The following KANSL1L variants were observed in gnomAD, a reference collection of about 807,000 sequenced individuals.
The protein encoded by KANSL1L is KAT8 regulatory NSL complex subunit 1-like protein.
In KANSL1L, 25 loss-of-function variants were observed where a neutral mutation model predicts 108.6. The ratio of observed to expected loss-of-function variants is 0.23; its 90% CI spans 0.17 to 0.32. The LOEUF (loss-of-function observed/expected upper bound fraction) is 0.32. Ranked by LOEUF, KANSL1L falls within the 10% of genes least tolerant of loss-of-function variation. The pLI is 1.00. For synonymous variants in KANSL1L, 405 were observed against 395.1 expected, an observed-to-expected ratio of 1.03 and a Z score of -0.30; for missense variants, 1,137 against 1,125.7, an observed-to-expected ratio of 1.01 and a Z score of -0.14.
Position 210,021,674 on chromosome 2 carries a change from C to T in KANSL1L, c.*1275G>A, listed in dbSNP as rs2093858287. 6.6e-6 allele frequency: 1 copy of T among 152,358 alleles called. No individual in the cohort carries two copies. Among genetic ancestry groups the T allele is most frequent in the African/African-American group, 2.4e-5 (1 of 41,390 alleles). 9.4% of individuals were successfully genotyped at this position (152,358 alleles called of 1,614,324 possible). ...TAGTGTCAAATCTCACAGATAAGGC[C>T]AAATGGCCAATATTTTCAGTTATGT... On this transcript the variant is annotated 3_prime_UTR_variant, in exon 15 of 15. Coordinates refer to ENST00000281772, the MANE Select transcript of KANSL1L (RefSeq NM_152519.4).
intron 5 of KANSL1L, among the ~76,000 whole-genome samples, chr2:210,079,612 G>GTA (rs60144283): frequency 1.8e-4 from 12 of 65,624 alleles, no homozygotes; most frequent in African/African-American, 4.7e-4. Flanking sequence ...ATATGTATGT[G>GTA]TATATATATA....
intron 14 of KANSL1L, 25 bp from the exon 15 acceptor site, chr2:210,023,204 A>G: frequency 6.5e-7 from 1 of 1,527,918 alleles, no homozygotes; most frequent in Non-Finnish European, 9.1e-7. Context: ...ATTTTCAGTT[A>G]AGTTTCAACT....
intron 3 of KANSL1L, among the ~76,000 whole-genome samples, chr2:210,114,378 A>G (rs2094935258): frequency 6.6e-6 from 1 of 152,292 alleles, no homozygotes; most frequent in East Asian, 1.9e-4. Context: ...TTGTCCTTCA[A>G]AGGTAAAAAA....
intron 6 of KANSL1L, among the ~76,000 whole-genome samples, chr2:210,060,215 G>A (rs376391705): frequency 6.6e-5 from 10 of 151,950 alleles, no homozygotes; most frequent in African/African-American, 1.5e-4. Flanking sequence ...ACCTTAATTC[G>A]TACCACTGGA....
At chr2:210,099,041 T>C (rs1418709535) in intron 4 of KANSL1L, among the ~76,000 whole-genome samples, 1 of 151,924 alleles carries the variant, frequency 6.6e-6, no homozygotes, top group African/African-American at 2.4e-5. Context: ...CTGGAAAATA[T>C]AGAGACATTT....
At chr2:210,131,057 C>T (rs898661049) in intron 2 of KANSL1L, among the ~76,000 whole-genome samples, 1 of 151,998 alleles carries the variant, frequency 6.6e-6, no homozygotes, top group Non-Finnish European at 1.5e-5. Context: ...TGAGCAAATG[C>T]GCTGTAAGCA....
At chr2:210,031,674 A>G in intron 8 of KANSL1L, 128 bp from the exon 9 acceptor site, 1 of 544,856 alleles carries the variant, frequency 1.8e-6, no homozygotes, top group South Asian at 3.1e-5. Context: ...AAACATAAAT[A>G]CCAAGACACA....
rs773377055 is a variant in KANSL1L, at chr2:210,023,143, C to T, written c.2770G>A (p.Gly924Ser). ...CATAATAAGGCTGCCATGTCTTCAC[C>T]CTTCAGTGGAAAAGCCCGTCGTTCC... ...WWERRAFPLK[G>S]EDMAALLCQD... The change falls in exon 15 of 15, where the codon GGT becomes AGT. Residue 924 changes from glycine to serine, a missense_variant. Transcript: ENST00000281772. 7.1e-5 allele frequency: 114 copies of T among 1,613,834 alleles called. No individual in the cohort carries two copies. The highest frequency in any genetic ancestry group is 8.9e-5 in the Non-Finnish European group (105 of 1,179,912).
At chr2:210,138,479 A>C (rs1032328489) in intron 2 of KANSL1L, among the ~76,000 whole-genome samples, 2 of 152,208 alleles carry the variant, frequency 1.3e-5, no homozygotes, top group African/African-American at 2.4e-5. Context: ...AAAAGATGGC[A>C]GTGTTAAAAA....
intron 4 of KANSL1L, among the ~76,000 whole-genome samples, chr2:210,103,811 G>T (rs887134190): frequency 8.6e-5 from 13 of 151,786 alleles, no homozygotes; most frequent in African/African-American, 2.9e-4. Flanking sequence ...AAAATCCAAT[G>T]ATAAACAATT....
intron 2 of KANSL1L, among the ~76,000 whole-genome samples, chr2:210,147,806 CTGAG>C (rs2095275953): frequency 6.6e-6 from 1 of 152,184 alleles, no homozygotes; most frequent in South Asian, 2.1e-4. Flanking sequence ...AATCTTGGCA[CTGAG>C]TTTCTACTCC....
At chr2:210,053,452 C>T (rs960898440) in intron 6 of KANSL1L, among the ~76,000 whole-genome samples, 2 of 151,982 alleles carry the variant, frequency 1.3e-5, no homozygotes, top group Non-Finnish European at 2.9e-5. Flanking sequence ...CAAAAATAAG[C>T]TAGACATTGT....
chr2:210,097,933 C>G (rs1559553266), intron 5 of KANSL1L, 153 bp downstream of exon 5: 1 of 425,674 alleles, frequency 2.3e-6, no homozygotes, highest in African/African-American at 2.1e-5. Flanking sequence ...TTAATATTAT[C>G]AAAAAATGCA....
chr2:210,058,573 C>G (rs992499964), intron 6 of KANSL1L, among the ~76,000 whole-genome samples: 4 of 152,088 alleles, frequency 2.6e-5, no homozygotes, highest in African/African-American at 9.7e-5. Flanking sequence ...GTGGCTCATG[C>G]CTGTAATCCC....
At chr2:210,097,647 T>C (rs2094750490) in intron 5 of KANSL1L, among the ~76,000 whole-genome samples, 1 of 152,168 alleles carries the variant, frequency 6.6e-6, no homozygotes, top group Non-Finnish European at 1.5e-5. Context: ...AAAGCTAAAA[T>C]ACAAAATGAT....
intron 3 of KANSL1L, among the ~76,000 whole-genome samples, chr2:210,116,875 G>A (rs1242797810): frequency 6.6e-6 from 1 of 152,164 alleles, no homozygotes; most frequent in Non-Finnish European, 1.5e-5. Context: ...GGAACACATG[G>A]CCTCACCAAA....
In KANSL1L at chr2:210,022,274, G is replaced by GTAAA. The variant is rs1273840375; in HGVS notation, c.*671_*674dup. ...GTGTTGCCTGGATATATGAATTTCT[G>GTAAA]TAAATAACTTCTGTTGGTTAAACAT... On this transcript the variant is annotated 3_prime_UTR_variant, in exon 15 of 15. Transcript: ENST00000281772. The GTAAA allele has an allele frequency of 6.6e-6, 1 of 152,060 alleles. No individual in the cohort carries two copies. Among genetic ancestry groups the GTAAA allele is most frequent in the African/African-American group, 2.4e-5 (1 of 41,392 alleles). 9.4% of individuals were successfully genotyped at this position (152,060 alleles called of 1,614,324 possible).
intron 10 of KANSL1L, 90 bp from the exon 11 acceptor site, chr2:210,029,059 C>G (rs555188226): frequency 9.2e-7 from 1 of 1,089,196 alleles, no homozygotes; most frequent in Non-Finnish European, 1.3e-6. Flanking sequence ...TATGGCAGTA[C>G]ACGTTACATA....
chr2:210,094,218 T>C (rs1358975928), intron 5 of KANSL1L, among the ~76,000 whole-genome samples: 1 of 152,186 alleles, frequency 6.6e-6, no homozygotes, highest in African/African-American at 2.4e-5. Context: ...ATTTTTGTTA[T>C]GTATGTTTTA....
Sources: gnomAD v4.1 joint callset for allele counts (sites outside exome capture counted in the v4.1 genomes callset) on GRCh38, gnomAD v4.1.1 for gene constraint, MANE v1.5 for transcripts, NCBI Gene and HGNC (gene_info 2026-07-23, HGNC 2026-07-21) for gene names.